The following KCNT2 variants were observed in gnomAD, a reference collection of about 807,000 sequenced individuals.
The protein encoded by KCNT2 is potassium sodium-activated channel subfamily T member 2, also known as potassium channel subfamily T member 2.
KCNT2 carries 67 observed loss-of-function variants against 153.8 expected under a neutral mutation model. The ratio of observed to expected loss-of-function variants is 0.44; its 90% CI spans 0.36 to 0.53. The LOEUF is 0.53. Ranked by LOEUF, KCNT2 falls within the 20% of genes least tolerant of loss-of-function variation. The pLI is 0.00. For synonymous variants in KCNT2, 500 were observed against 458.8 expected (o/e 1.09, Z -1.15); for missense variants, 975 against 1,354.8 (o/e 0.72, Z 4.40).
chr1:196,455,892 G>A (rs143388333), intron 8 of KCNT2, among the ~76,000 whole-genome samples: 1 of 151,988 alleles, frequency 6.6e-6, no homozygotes, highest in Non-Finnish European at 1.5e-5. Context: ...TCAGTAGATG[G>A]AGAGGCCTCA....
intron 13 of KCNT2, among the ~76,000 whole-genome samples, chr1:196,380,617 G>T (rs1009064861): frequency 6.6e-6 from 1 of 152,108 alleles, no homozygotes; most frequent in Non-Finnish European, 1.5e-5. Context: ...TTGGAAAATG[G>T]CTTTTAAATA....
At chr1:196,297,194 A>G (rs1660751902) in intron 22 of KCNT2, among the ~76,000 whole-genome samples, 1 of 151,982 alleles carries the variant, frequency 6.6e-6, no homozygotes, top group Non-Finnish European at 1.5e-5. Context: ...CTTCCTAAGA[A>G]TAATAAATAG....
intron 22 of KCNT2, among the ~76,000 whole-genome samples, chr1:196,291,602 C>G (rs990417170): frequency 6.6e-6 from 1 of 152,020 alleles, no homozygotes; most frequent in African/African-American, 2.4e-5. Flanking sequence ...GTGACACTAT[C>G]ATTAACCTAC....
chr1:196,304,542 C>A (rs527865967), intron 22 of KCNT2, among the ~76,000 whole-genome samples: 81 of 152,190 alleles, frequency 5.3e-4, no homozygotes, highest in African/African-American at 1.8e-3. Context: ...ATGTATAAGA[C>A]TGGGTCTTTT....
intron 9 of KCNT2, among the ~76,000 whole-genome samples, chr1:196,429,347 G>C (rs529211237): frequency 2.5e-4 from 38 of 151,390 alleles, no homozygotes; most frequent in African/African-American, 9.0e-4. Context: ...ATTGAAATAA[G>C]ATGAGTGCTG....
intron 12 of KCNT2, among the ~76,000 whole-genome samples, chr1:196,413,663 A>C (rs185839458): frequency 6.6e-6 from 1 of 151,888 alleles, no homozygotes; most frequent in East Asian, 1.9e-4. Context: ...CATTTTGATC[A>C]CAATGAAATT....
chr1:196,353,671 G>A (rs1666940681), intron 14 of KCNT2, among the ~76,000 whole-genome samples: 1 of 151,962 alleles, frequency 6.6e-6, no homozygotes. Flanking sequence ...AGGCAAATGG[G>A]TATTTATTGG....
rs77157143 is a variant in KCNT2, at chr1:196,246,221, A to G, written c.3212-10151T>C. 8.3e-3 allele frequency among the ~76,000 whole-genome samples: 1,268 copies of G among 152,250 alleles called. 10 individuals carry two copies. Among genetic ancestry groups the G allele is most frequent in the Middle Eastern group, 0.017 (5 of 294 alleles). On this transcript the variant is annotated intron_variant, in intron 26 of 27. Transcript: ENST00000294725. ...AAAGTGCTGAAGGAAAAATACTTGT[A>G]TCCTAGAATAGGAATAATACTTGTA...
At chr1:196,421,149 A>G (rs1398128335) in intron 12 of KCNT2, among the ~76,000 whole-genome samples, 1 of 152,032 alleles carries the variant, frequency 6.6e-6, no homozygotes, top group African/African-American at 2.4e-5. Flanking sequence ...TTGCAAAATT[A>G]TTATTAATAT....
chr1:196,545,007 G>GA (rs1255682459), intron 1 of KCNT2, among the ~76,000 whole-genome samples: 1 of 151,890 alleles, frequency 6.6e-6, no homozygotes, highest in Non-Finnish European at 1.5e-5. Flanking sequence ...AAAAAAGGGG[G>GA]AAAAAACATT....
intron 25 of KCNT2, among the ~76,000 whole-genome samples, chr1:196,276,793 A>G (rs1469621923): frequency 6.6e-6 from 1 of 152,104 alleles, no homozygotes; most frequent in African/African-American, 2.4e-5. Context: ...TCTTGAGAGC[A>G]TTGTTTCATT....
chr1:196,530,177 T>C (rs2148846294), intron 1 of KCNT2, among the ~76,000 whole-genome samples: 1 of 152,104 alleles, frequency 6.6e-6, no homozygotes, highest in East Asian at 1.9e-4. Flanking sequence ...TATGTATAAA[T>C]TCATTAAAAT....
intron 1 of KCNT2, among the ~76,000 whole-genome samples, chr1:196,531,570 T>C (rs560172035): frequency 6.6e-6 from 1 of 152,234 alleles, no homozygotes; most frequent in South Asian, 2.1e-4. Flanking sequence ...CATATTTTGG[T>C]CTCACATCTT....
At chr1:196,551,897 G>A (rs939391812) in intron 1 of KCNT2, among the ~76,000 whole-genome samples, 1 of 151,436 alleles carries the variant, frequency 6.6e-6, no homozygotes, top group Non-Finnish European at 1.5e-5. Context: ...GCCCTGGTTG[G>A]TATACTTGAA....
rs371261010 is a variant in KCNT2 at position 196,406,846 on chromosome 1, TA to T, written c.1186-8176del. On this transcript the variant is annotated intron_variant, in intron 12 of 27. Transcript: ENST00000294725. ...TCGTGGCTGAAAATTTACCACTCCTTACAGATACTTAATGATAAAAACCTGC... is the reference window on the plus strand; with the variant it reads ...TCGTGGCTGAAAATTTACCACTCCTTCAGATACTTAATGATAAAAACCTGC... 3.0e-4 allele frequency among the ~76,000 whole-genome samples: 45 copies of T among 151,536 alleles called. No homozygotes were observed. In the East Asian group the frequency reaches 7.8e-3, roughly 26 times the overall value.
chr1:196,558,980 A>G (rs1659043130), intron 1 of KCNT2, among the ~76,000 whole-genome samples: 1 of 151,522 alleles, frequency 6.6e-6, no homozygotes, highest in African/African-American at 2.4e-5. Context: ...TTGATTTGAA[A>G]TACAAATGAG....
intron 12 of KCNT2, among the ~76,000 whole-genome samples, chr1:196,411,517 A>C (rs374773612): frequency 6.9e-6 from 1 of 145,926 alleles, no homozygotes; most frequent in Non-Finnish European, 1.5e-5. Flanking sequence ...ATGTCTTTCC[A>C]TTTTCCATTT....
In KCNT2 at chr1:196,340,399, G is replaced by A; in HGVS notation, c.1725C>T (p.Ser575=). 5 of 1,612,672 alleles carry A rather than the reference G, an allele frequency of 3.1e-6. No individual in the cohort carries two copies. The highest frequency in any genetic ancestry group is 4.2e-6 in the Non-Finnish European group (5 of 1,179,196). The change falls in exon 16 of 28, where the codon TCC becomes TCT. Residue 575 remains serine (S), a synonymous_variant. Transcript: ENST00000294725. The part of the protein sequence containing the change: ...NQDQQRKSNV[S]RSFYHGPSRL... Reference sequence around the variant, plus strand: ...TGGAAGGTCCATGATAAAACGACCTGGACACATTGCTTTTTCTCTGCTGGT... The same window carrying A: ...TGGAAGGTCCATGATAAAACGACCTAGACACATTGCTTTTTCTCTGCTGGT...
intron 1 of KCNT2, among the ~76,000 whole-genome samples, chr1:196,538,919 G>A (rs993541150): frequency 1.3e-5 from 2 of 152,168 alleles, no homozygotes; most frequent in Non-Finnish European, 2.9e-5. Flanking sequence ...GAAGATTAGA[G>A]CTTAAGAAAT....
Sources: allele counts gnomAD v4.1 joint callset (sites outside exome capture counted in the v4.1 genomes callset), GRCh38; gene constraint gnomAD v4.1.1; transcripts MANE v1.5; gene names NCBI Gene and HGNC (gene_info 2026-07-23, HGNC 2026-07-21).